The following SH2D4A variants were observed in gnomAD, a reference collection of about 807,000 sequenced individuals.
SH2D4A encodes SH2 domain containing 4A, also known as SH2 domain-containing protein 4A.
In SH2D4A, 70 loss-of-function variants were observed where a neutral mutation model predicts 64.7. That is an observed-to-expected ratio of 1.08 (90% CI 0.89 to 1.32). SH2D4A has a LOEUF of 1.32. Among genes scored for constraint, SH2D4A ranks in the 40% most tolerant of loss-of-function variants. The pLI is 0.00. For missense variants in SH2D4A, 706 were observed against 540.1 expected, an observed-to-expected ratio of 1.31 and a Z score of -3.04; for synonymous variants, 268 against 200.7, an observed-to-expected ratio of 1.34 and a Z score of -2.83.
chr8:19,384,987 G>A (rs2053360378), intron 8 of SH2D4A, among the ~76,000 whole-genome samples: 1 of 152,142 alleles, frequency 6.6e-6, no homozygotes, highest in South Asian at 2.1e-4. Context: ...TTATTCCTCT[G>A]AAATTTAATG....
At chr8:19,344,380 T>C (rs573836946) in intron 4 of SH2D4A, among the ~76,000 whole-genome samples, 2 of 152,308 alleles carry the variant, frequency 1.3e-5, no homozygotes, top group East Asian at 3.9e-4. Context: ...TCTTTGTACC[T>C]GGAGCCGCCT....
chr8:19,357,254 A>G lies in SH2D4A; in HGVS notation c.565A>G (p.Asn189Asp), dbSNP rs760160159. Reference protein sequence around the residue: ...NIQQMLADSINRMKAYAFHQK... With the variant: ...NIQQMLADSIDRMKAYAFHQK... ...TCAACAAATGTTGGCAGATTCAATC[A>G]ATCGTATGAAGGCATATGCATTTCA... Residue 189 changes from asparagine to aspartate, a missense_variant, in exon 5 of 10, where the codon AAT (asparagine) becomes GAT (aspartate). Asn to Asp is a conservative substitution (Grantham distance 23). Coordinates refer to ENST00000265807, the MANE Select transcript of SH2D4A (RefSeq NM_022071.4). 4 of 1,614,010 alleles carry G rather than the reference A, an allele frequency of 2.5e-6. No individual in the cohort carries two copies. The South Asian group carries it at 4.4e-5, about 18-fold the overall frequency.
At chr8:19,355,747 C>T (rs945690801) in intron 4 of SH2D4A, among the ~76,000 whole-genome samples, 7 of 152,112 alleles carry the variant, frequency 4.6e-5, no homozygotes, top group African/African-American at 1.2e-4. Context: ...AACATGGTGC[C>T]GGGTCATAAT....
At position 19,379,308 on chromosome 8, in the gene SH2D4A, T is replaced by C. The variant is rs564091497; in HGVS notation, c.1048+5648T>C. ...GAGTGGCTTATTTCATTTAGTGTCA[T>C]GTCCTCAAGATTTACTCATGTTGTT... On this transcript the variant is annotated intron_variant, in intron 8 of 9. Transcript: ENST00000265807. 6.6e-5 allele frequency among the ~76,000 whole-genome samples: 10 copies of C among 152,334 alleles called. No individual in the cohort carries two copies. The East Asian group carries it at 1.5e-3, about 24-fold the overall frequency.
At chr8:19,343,905 G>A (rs1011313789) in intron 4 of SH2D4A, among the ~76,000 whole-genome samples, 2 of 152,222 alleles carry the variant, frequency 1.3e-5, no homozygotes, top group African/African-American at 4.8e-5. Context: ...GATGGAGTGG[G>A]TGACAGAGAA....
At chr8:19,359,696 GA>G (rs892631264) in intron 5 of SH2D4A, among the ~76,000 whole-genome samples, 35 of 144,236 alleles carry the variant, frequency 2.4e-4, no homozygotes, top group African/African-American at 5.3e-4. Flanking sequence ...ACAGTGTAAG[GA>G]AAAAAAAATG....
At chr8:19,356,921 C>A (rs1159103780) in intron 4 of SH2D4A, among the ~76,000 whole-genome samples, 1 of 152,224 alleles carries the variant, frequency 6.6e-6, no homozygotes, top group Non-Finnish European at 1.5e-5. Context: ...CCAGGGCCCT[C>A]CAGGGCCAAC....
Position 19,361,171 on chromosome 8 carries a change from TTTTTGTTTTTTTTTG to T in SH2D4A, c.595-21_595-7del, listed in dbSNP as rs1294779499. On this transcript the variant is annotated splice_polypyrimidine_tract_variant and intron_variant, in intron 5 of 9. Coordinates refer to ENST00000265807, the MANE Select transcript of SH2D4A (RefSeq NM_022071.4). ...AAGGTTCTTTTTTTGTTTTGTTTTG[TTTTTGTTTTTTTTTG>T]TTTTGTTTTTAAACAGAAGAAAGAA... 2.3e-6 allele frequency: 3 copies of T among 1,299,296 alleles called. No homozygotes were observed. The highest frequency in any genetic ancestry group is 3.2e-6 in the Non-Finnish European group (3 of 938,500). The allele number at this position is 1,299,296 out of a possible 1,614,324, so 80.5% of individuals were successfully genotyped here. A position where few individuals can be genotyped will look rare whatever the true frequency, so the allele number is the denominator to read the frequency against.
chr8:19,329,074 C>A (rs1411167144), intron 2 of SH2D4A, among the ~76,000 whole-genome samples: 3 of 152,168 alleles, frequency 2.0e-5, no homozygotes, highest in African/African-American at 7.2e-5. Flanking sequence ...GGTGGAGACC[C>A]TCATTTCCTA....
chr8:19,346,892 C>T lies in SH2D4A; in HGVS notation c.514-10311C>T, dbSNP rs150901552. On this transcript the variant is annotated intron_variant, in intron 4 of 9. Transcript: ENST00000265807. ...ATGTAGAGCAATAAAAGATATTGTT[C>T]TTATCAGGAGGCCAGGCTTCGTCCT... Among the ~76,000 whole-genome samples the T allele has an allele frequency of 4.5e-3, 686 of 152,296 alleles. 2 individuals carry two copies. Among genetic ancestry groups the T allele is most frequent in the Middle Eastern group, 0.031 (9 of 294 alleles).
intron 5 of SH2D4A, 48 bp from the exon 6 acceptor site, chr8:19,361,155 T>C: frequency 8.7e-7 from 1 of 1,152,096 alleles, no homozygotes; most frequent in Non-Finnish European, 1.2e-6. Context: ...CAAGGTTCTT[T>C]TTTTGTTTTG....
intron 5 of SH2D4A, among the ~76,000 whole-genome samples, chr8:19,358,630 G>A (rs917032554): frequency 1.3e-5 from 2 of 152,180 alleles, no homozygotes; most frequent in African/African-American, 2.4e-5. Context: ...TGGGGAAAGG[G>A]CTGATCATTT....
At chr8:19,350,465 AGTT>A (rs1563196516) in intron 4 of SH2D4A, among the ~76,000 whole-genome samples, 3 of 152,240 alleles carry the variant, frequency 2.0e-5, no homozygotes, top group South Asian at 2.1e-4. Context: ...CAATGTTTTT[AGTT>A]GTTGTTGCTC....
At chr8:19,380,902 A>G (rs2053282283) in intron 8 of SH2D4A, among the ~76,000 whole-genome samples, 1 of 152,106 alleles carries the variant, frequency 6.6e-6, no homozygotes, top group Admixed American at 6.6e-5. Context: ...TTCTATTTCT[A>G]CAAAAAATGT....
chr8:19,336,006 A>C (rs976662432), intron 4 of SH2D4A, among the ~76,000 whole-genome samples: 1 of 152,148 alleles, frequency 6.6e-6, no homozygotes, highest in Non-Finnish European at 1.5e-5. Flanking sequence ...ATCATATGGG[A>C]ATACAGGTAT....
intron 9 of SH2D4A, among the ~76,000 whole-genome samples, chr8:19,393,792 AAAAATAAAAGCTGT>A (rs1416898757): frequency 6.6e-6 from 1 of 152,212 alleles, no homozygotes; most frequent in Non-Finnish European, 1.5e-5. Context: ...GCTAAAACAA[AAAAATAAAAGCTGT>A]ACCCACATGG....
At chr8:19,314,585 C>T (rs1480061943) in intron 1 of SH2D4A, among the ~76,000 whole-genome samples, 1 of 152,208 alleles carries the variant, frequency 6.6e-6, no homozygotes, top group African/African-American at 2.4e-5. Flanking sequence ...GTTGTCTCTC[C>T]CTTCCCAGGG....
intron 2 of SH2D4A, among the ~76,000 whole-genome samples, chr8:19,330,462 A>G (rs539563752): frequency 2.0e-5 from 3 of 152,102 alleles, no homozygotes; most frequent in Non-Finnish European, 4.4e-5. Flanking sequence ...CTGCTTCTTT[A>G]TGGTCACTGT....
chr8:19,365,994 A>G (rs1288129659), intron 7 of SH2D4A, among the ~76,000 whole-genome samples: 3 of 152,128 alleles, frequency 2.0e-5, no homozygotes, highest in African/African-American at 4.8e-5. Context: ...GGGATAATAT[A>G]TACACATACA....
Sources: gnomAD v4.1 joint callset for allele counts (sites outside exome capture counted in the v4.1 genomes callset) on GRCh38, gnomAD v4.1.1 for gene constraint, MANE v1.5 for transcripts, NCBI Gene and HGNC (gene_info 2026-07-23, HGNC 2026-07-21) for gene names.